Variants in TPST2 observed in about 807,000 individuals in gnomAD.
TPST2 encodes the protein protein-tyrosine sulfotransferase 2.
Under a neutral mutation model 27.8 loss-of-function variants are expected in TPST2, and 16 were observed. That is an observed-to-expected ratio of 0.58 (90% CI 0.39 to 0.88). The LOEUF (loss-of-function observed/expected upper bound fraction) is 0.88. Ranked by LOEUF, TPST2 falls within the 40% of genes least tolerant of loss-of-function variation. The pLI is 0.00. For missense variants in TPST2, 464 were observed against 543.1 expected (o/e 0.85, Z 1.45); for synonymous variants, 229 against 231.7 (o/e 0.99, Z 0.10).
At chr22:26,582,500 G>A (rs1479129725) in intron 1 of TPST2, among the ~76,000 whole-genome samples, 1 of 152,170 alleles carries the variant, frequency 6.6e-6, no homozygotes, top group Non-Finnish European at 1.5e-5. Flanking sequence ...GGGATCATAT[G>A]CATGTTAAGA....
At chr22:26,571,915 T>C (rs1231494512) in intron 1 of TPST2, among the ~76,000 whole-genome samples, 1 of 152,166 alleles carries the variant, frequency 6.6e-6, no homozygotes, top group African/African-American at 2.4e-5. Context: ...GTCCCCACTG[T>C]CCGCCACCTG....
At position 26,535,454 on chromosome 22, in the gene TPST2, C is replaced by G. The variant is rs542107523; in HGVS notation, c.1041+834G>C. ...CATCAACTTGTTAACTGTTCTTTTA[C>G]CCAGTGGGTGTTAGCCTACTTTAAC... On this transcript the variant is annotated intron_variant, in intron 4 of 6. Coordinates refer to ENST00000338754, the MANE Select transcript of TPST2 (RefSeq NM_003595.5). Among the ~76,000 whole-genome samples, 70 of 152,306 alleles carry G rather than the reference C, an allele frequency of 4.6e-4. 2 individuals carry two copies. In the South Asian group the frequency reaches 0.014, roughly 31 times the overall value.
intron 1 of TPST2, among the ~76,000 whole-genome samples, chr22:26,589,233 C>A (rs904371364): frequency 6.6e-6 from 1 of 152,094 alleles, no homozygotes; most frequent in Non-Finnish European, 1.5e-5. Context: ...AGGCACGGTT[C>A]TTTCTAATGA....
intron 1 of TPST2, among the ~76,000 whole-genome samples, chr22:26,576,031 T>TA (rs71192944): frequency 0.21 from 31,347 of 149,960 alleles, 3,582 homozygotes; most frequent in Non-Finnish European, 0.24. Flanking sequence ...AAAAAATAAA[T>TA]AAATAAAATA....
rs766164560 is a variant in TPST2, at chr22:26,536,392, T to C, written c.937A>G (p.Met313Val). 13 of 1,601,606 alleles carry C rather than the reference T, an allele frequency of 8.1e-6. No individual in the cohort carries two copies. The highest frequency in any genetic ancestry group is 2.2e-5 in the East Asian group (1 of 44,672). The change falls in exon 4 of 7, where the codon ATG (methionine) becomes GTG (valine). Residue 313 changes from methionine (M) to valine (V), a missense_variant. Met to Val is a conservative substitution (Grantham distance 21). Transcript: ENST00000338754. ...GHIPGDVVRDMAQIAPMLAQL... is the reference protein window; with the variant it reads ...GHIPGDVVRDVAQIAPMLAQL... Reference sequence around the variant, plus strand: ...GCCAGCATGGGGGCGATCTGGGCCATGTCCCGCACCACATCCCCAGGGATG... The same window carrying C: ...GCCAGCATGGGGGCGATCTGGGCCACGTCCCGCACCACATCCCCAGGGATG...
intron 1 of TPST2, chr22:26,565,418 C>G (rs1390229519): frequency 6.6e-6 from 1 of 152,346 alleles, no homozygotes; most frequent in African/African-American, 2.4e-5. Context: ...AAGGCTCCTC[C>G]CTCTTCTGGA....
chr22:26,532,885 CTCT>C (rs1434919129), intron 4 of TPST2, 140 bp from the exon 5 acceptor site: 62 of 727,446 alleles, frequency 8.5e-5, no homozygotes, highest in Admixed American at 3.7e-4. Context: ...GCTTAAGCTC[CTCT>C]TCTTCTAGGC....
At chr22:26,578,027 T>A (rs1927927743) in intron 1 of TPST2, among the ~76,000 whole-genome samples, 3 of 152,292 alleles carry the variant, frequency 2.0e-5, no homozygotes, top group South Asian at 2.1e-4. Flanking sequence ...ATATCAGTAA[T>A]GTTCATGAGT....
At chr22:26,539,714 A>G (rs1925685741) in intron 3 of TPST2, among the ~76,000 whole-genome samples, 1 of 152,152 alleles carries the variant, frequency 6.6e-6, no homozygotes, top group African/African-American at 2.4e-5. Flanking sequence ...GGCTGCAGTT[A>G]GCTGGGATCG....
intron 6 of TPST2, among the ~76,000 whole-genome samples, chr22:26,527,174 A>T (rs1248935957): frequency 1.3e-5 from 2 of 152,212 alleles, no homozygotes; most frequent in African/African-American, 4.8e-5. Context: ...TTGAAAGAAA[A>T]ACTAAAACAT....
chr22:26,564,593 C>G (rs1024638020), intron 1 of TPST2, among the ~76,000 whole-genome samples: 22 of 152,206 alleles, frequency 1.4e-4, no homozygotes, highest in Non-Finnish European at 1.5e-5. Flanking sequence ...GGGCTCCTAC[C>G]ACTCACTGCA....
At chr22:26,578,853 C>CTTTTT (rs869169533) in intron 1 of TPST2, among the ~76,000 whole-genome samples, 3 of 138,950 alleles carry the variant, frequency 2.2e-5, no homozygotes, top group African/African-American at 2.7e-5. Flanking sequence ...TTCTTTCTTT[C>CTTTTT]TTTTTTTTTT....
In TPST2 at chr22:26,582,877, C is replaced by T. The variant is rs187904298; in HGVS notation, c.-161+7176G>A. Among the ~76,000 whole-genome samples the T allele has an allele frequency of 3.9e-5, 6 of 152,190 alleles. No homozygotes were observed. The East Asian group carries it at 1.2e-3, about 29-fold the overall frequency. ...ATGGCGTGGTCAATAACAAATATCT[C>T]ACTGTGGGGAACAACAGTTAGGTAG... On this transcript the variant is annotated intron_variant, in intron 1 of 6. Transcript: ENST00000338754.
At chr22:26,551,270 GGA>G (rs1250301713) in intron 1 of TPST2, among the ~76,000 whole-genome samples, 1 of 152,056 alleles carries the variant, frequency 6.6e-6, no homozygotes, top group Non-Finnish European at 1.5e-5. Flanking sequence ...TGGGTGACAG[GGA>G]GAGATTCTGC....
intron 1 of TPST2, among the ~76,000 whole-genome samples, chr22:26,582,341 C>T (rs573927688): frequency 6.6e-6 from 1 of 152,224 alleles, no homozygotes; most frequent in South Asian, 2.1e-4. Flanking sequence ...GCAGGAGAAT[C>T]GCTTGAACCC....
intron 1 of TPST2, chr22:26,565,763 A>G (rs1208388208): frequency 6.6e-6 from 1 of 152,170 alleles, no homozygotes; most frequent in Non-Finnish European, 1.5e-5. Flanking sequence ...TATATATAAA[A>G]TATTATCATC....
At chr22:26,537,949 C>G (rs1005467313) in intron 3 of TPST2, among the ~76,000 whole-genome samples, 1 of 152,174 alleles carries the variant, frequency 6.6e-6, no homozygotes, top group African/African-American at 2.4e-5. Flanking sequence ...CCCCTGAAGA[C>G]AGACATTTAG....
intron 3 of TPST2, among the ~76,000 whole-genome samples, chr22:26,537,836 G>A (rs1925560140): frequency 1.3e-5 from 2 of 152,004 alleles, no homozygotes; most frequent in South Asian, 2.1e-4. Context: ...ACACAAACGC[G>A]CGTCTGCAGC....
At chr22:26,578,021 C>T (rs940538823) in intron 1 of TPST2, among the ~76,000 whole-genome samples, 2 of 152,086 alleles carry the variant, frequency 1.3e-5, no homozygotes, top group African/African-American at 4.8e-5. Flanking sequence ...GAAGGAATAT[C>T]AGTAATGTTC....
Sources: gnomAD v4.1 joint callset for allele counts (sites outside exome capture counted in the v4.1 genomes callset) on GRCh38, gnomAD v4.1.1 for gene constraint, MANE v1.5 for transcripts, NCBI Gene and HGNC (gene_info 2026-07-23, HGNC 2026-07-21) for gene names.